Variants in ITIH6 observed in about 807,000 individuals in gnomAD.
ITIH6 encodes the protein inter-alpha-trypsin inhibitor heavy chain family member 6.
Under a neutral mutation model 58.2 loss-of-function variants are expected in ITIH6, and 60 were observed. The observed-to-expected ratio is 1.03, with a 90% CI of 0.84 to 1.28. The LOEUF (loss-of-function observed/expected upper bound fraction) is 1.28. Among genes scored for constraint, ITIH6 ranks in the 50% most tolerant of loss-of-function variants. The pLI is 0.00. For synonymous variants in ITIH6, 493 were observed against 417.4 expected (o/e 1.18, Z -2.21); for missense variants, 1,290 against 1,021.1 (o/e 1.26, Z -3.59).
rs144684616 is a variant in ITIH6 at position 54,792,004 on chromosome X, A to C, written c.290T>G (p.Val97Gly). 1.1e-5 allele frequency: 13 copies of C among 1,206,236 alleles called. No homozygotes were observed. The African/African-American group carries it at 2.3e-4, about 21-fold the overall frequency. The change falls in exon 3 of 13, where the codon GTC (valine) becomes GGC (glycine). Residue 97 changes from valine (V) to glycine (G), a missense_variant. Val to Gly is a moderately radical substitution (Grantham distance 109). Transcript: ENST00000218436. ...TINNKVYIAE[V>G]KEKHQAKKIY... Reference sequence around the variant, plus strand: ...TTTCTTTGCCTGGTGCTTCTCTTTGACTTCTGCAATGTAGACTTTATTGTT... The same window carrying C: ...TTTCTTTGCCTGGTGCTTCTCTTTGCCTTCTGCAATGTAGACTTTATTGTT...
intron 5 of ITIH6, among the ~76,000 whole-genome samples, chrX:54,781,098 G>C (rs183784237): frequency 1.8e-5 from 2 of 111,104 alleles, no homozygotes; most frequent in Non-Finnish European, 3.8e-5. Flanking sequence ...AACTCAAGAT[G>C]GTTTAAAAAC....
chrX:54,761,784 TC>T (rs1240148273), intron 6 of ITIH6, among the ~76,000 whole-genome samples: 1 of 111,632 alleles, frequency 9.0e-6, no homozygotes. Flanking sequence ...TCTGTTCTGT[TC>T]CATTGGTCTA....
Position 54,759,737 on chromosome X carries a change from G to A in ITIH6, c.1075+19C>T, listed in dbSNP as rs1481121252. 8.4e-7 allele frequency: 1 copy of A among 1,185,294 alleles called. No individual in the cohort carries two copies. Among genetic ancestry groups the A allele is most frequent in the Admixed American group, 2.3e-5 (1 of 44,289 alleles). ...ATCACCACAGCCTGCCCATTTGGGTGGGTAGATCTAACACTTACAGCCATC... is the reference window on the plus strand; with the variant it reads ...ATCACCACAGCCTGCCCATTTGGGTAGGTAGATCTAACACTTACAGCCATC... On this transcript the variant is annotated intron_variant, in intron 7 of 12. Coordinates refer to ENST00000218436, the MANE Select transcript of ITIH6 (RefSeq NM_198510.3).
At chrX:54,792,130 G>A (rs1301539038) in intron 2 of ITIH6, 94 bp from the exon 3 acceptor site, 10 of 580,832 alleles carry the variant, frequency 1.7e-5, no homozygotes, top group Admixed American at 1.1e-4. Flanking sequence ...AGAAAGAGGA[G>A]GGTAGAGATA....
intron 10 of ITIH6, 66 bp downstream of exon 10, chrX:54,753,864 G>T (rs1928427996): frequency 1.8e-6 from 2 of 1,136,394 alleles, no homozygotes; most frequent in African/African-American, 3.6e-5. Context: ...TATTTCCCCA[G>T]CCCCAGTCCC....
In ITIH6 at chrX:54,756,972, A is replaced by G. The variant is rs996304791; in HGVS notation, c.3102T>C (p.Asp1034=). The G allele has an allele frequency of 2.6e-6, 3 of 1,166,497 alleles. No homozygotes were observed. In the African/African-American group the frequency reaches 5.3e-5, roughly 21 times the overall value. The change falls in exon 8 of 13, where the codon GAT becomes GAC. Residue 1034 remains aspartate, a synonymous_variant. Transcript: ENST00000218436. ...PPAFYTFLTP[D]EDGSPNWDGN... ...CTTACCCATGGCACTCACCATCTTC[A>G]TCAGGAGTGAGGAAGGTATAGAAAG...
chrX:54,754,321 G>A (rs1036939754), intron 9 of ITIH6, among the ~76,000 whole-genome samples: 4 of 111,820 alleles, frequency 3.6e-5, no homozygotes, highest in African/African-American at 1.3e-4. Context: ...ATGGCCCACA[G>A]GATCTCTTGG....
chrX:54,776,982 C>T (rs1179016435), intron 5 of ITIH6, among the ~76,000 whole-genome samples: 1 of 112,356 alleles, frequency 8.9e-6, no homozygotes, highest in Non-Finnish European at 1.9e-5. Flanking sequence ...GAGCACCAAG[C>T]AGGCTCTTGA....
rs371664662 is a variant in ITIH6, at chrX:54,770,064, T to C, written c.903+4017A>G. Among the ~76,000 whole-genome samples the C allele has an allele frequency of 3.3e-3, 371 of 112,180 alleles. 2 individuals carry two copies. Among genetic ancestry groups the C allele is most frequent in the African/African-American group, 0.011 (343 of 30,983 alleles). Reference sequence around the variant, plus strand: ...GGCGTAGGACCCTCCGAGCCAGGTGTGGGATATAGTCTCATGGTGCGCCGT... The same window carrying C: ...GGCGTAGGACCCTCCGAGCCAGGTGCGGGATATAGTCTCATGGTGCGCCGT... On this transcript the variant is annotated intron_variant, in intron 6 of 12. Coordinates refer to ENST00000218436, the MANE Select transcript of ITIH6 (RefSeq NM_198510.3).
intron 6 of ITIH6, among the ~76,000 whole-genome samples, chrX:54,770,042 G>C (rs1268537011): frequency 3.6e-5 from 4 of 111,765 alleles, no homozygotes; most frequent in Non-Finnish European, 7.6e-5. Flanking sequence ...TTCCGTGGGC[G>C]TAGGACCCTC....
In ITIH6 at chrX:54,751,336, C is replaced by T; in HGVS notation, c.3397G>A (p.Gly1133Ser). 1 of 1,211,795 alleles carries T rather than the reference C, an allele frequency of 8.3e-7. No homozygotes were observed. Among genetic ancestry groups the T allele is most frequent in the Non-Finnish European group, 1.1e-6 (1 of 895,435 alleles). ...TAGGTGCGAGTCTGGTCCTTGTGGC[C>T]CGGCCTTGGTGGTGCGCCAAGCAGC... ...GKLLGAPPRPGHKDQTRTYFQ... is the reference protein window; with the variant it reads ...GKLLGAPPRPSHKDQTRTYFQ... The change falls in exon 12 of 13, where the codon GGC (glycine) becomes AGC (serine). Residue 1133 changes from glycine to serine, a missense_variant. By Grantham distance (56) the Gly-to-Ser change is moderately conservative (BLOSUM62 0). Transcript: ENST00000218436.
rs374793555 is a variant in ITIH6, at chrX:54,757,024, T to A, written c.3050A>T (p.Lys1017Met). 4.1e-6 allele frequency: 5 copies of A among 1,209,913 alleles called. No individual in the cohort carries two copies. Among genetic ancestry groups the A allele is most frequent in the Non-Finnish European group, 5.6e-6 (5 of 894,658 alleles). Residue 1017 changes from lysine to methionine, a missense_variant, in exon 8 of 13, where the codon AAG becomes ATG. Coordinates refer to ENST00000218436, the MANE Select transcript of ITIH6 (RefSeq NM_198510.3). ...TGGTGGGTTCAAGGACTCCACGAAC[T>A]TGGATTCCACCATTGATTCAGACAG... Reference protein sequence around the residue: ...ELLSESMVESKFVESLNPPAF... With the variant: ...ELLSESMVESMFVESLNPPAF...
chrX:54,750,210 A>C (rs773867504), intron 12 of ITIH6, 104 bp from the exon 13 acceptor site: 6 of 623,216 alleles, frequency 9.6e-6, no homozygotes, highest in African/African-American at 2.3e-5. Context: ...TAAAGGAGGA[A>C]GAAGGAGGGG....
intron 6 of ITIH6, among the ~76,000 whole-genome samples, chrX:54,767,014 G>T (rs1002842458): frequency 5.4e-5 from 6 of 110,226 alleles, no homozygotes; most frequent in African/African-American, 2.0e-4. Flanking sequence ...GAATCCATCT[G>T]GTCCTGGACT....
At position 54,788,659 on chromosome X, in the gene ITIH6, T is replaced by G. The variant is rs2147619898; in HGVS notation, c.617-10A>C. 8.3e-7 allele frequency: 1 copy of G among 1,200,334 alleles called. No homozygotes were observed. Among genetic ancestry groups the G allele is most frequent in the Non-Finnish European group, 1.1e-6 (1 of 886,444 alleles). ...GGTGAATCCACCTCACCTGTATGGG[T>G]GGGGAGGATCGGGGCGGGGTGGTAC... On this transcript the variant is annotated splice_polypyrimidine_tract_variant and intron_variant, in intron 4 of 12. Coordinates refer to ENST00000218436, the MANE Select transcript of ITIH6 (RefSeq NM_198510.3).
intron 6 of ITIH6, among the ~76,000 whole-genome samples, chrX:54,768,935 G>T (rs1326225678): frequency 9.1e-6 from 1 of 109,515 alleles, no homozygotes; most frequent in Admixed American, 9.7e-5. Flanking sequence ...TGCCTTGCTA[G>T]ATTGGGGAAG....
intron 6 of ITIH6, among the ~76,000 whole-genome samples, chrX:54,764,029 T>C (rs771215527): frequency 8.9e-6 from 1 of 112,238 alleles, no homozygotes; most frequent in South Asian, 3.7e-4. Flanking sequence ...CTTTAATTTG[T>C]GTTAGCATGG....
rs761171960 is a variant in ITIH6, at chrX:54,758,669, T to C, written c.1405A>G (p.Ile469Val). Residue 469 changes from isoleucine (I) to valine (V), a missense_variant, in exon 8 of 13, where the codon ATC becomes GTC. By Grantham distance (29) the Ile-to-Val change is conservative (BLOSUM62 3). Coordinates refer to ENST00000218436, the MANE Select transcript of ITIH6 (RefSeq NM_198510.3). ...ACATCTGCCAGCAGAGGCATGGAGA[T>C]CTCCTCATAGAGGCCCTTCAGCTGT... ...ALQLKGLYEE[I>V]SMPLLADVRL... The C allele has an allele frequency of 8.3e-7, 1 of 1,210,789 alleles. No homozygotes were observed. The highest frequency in any genetic ancestry group is 2.2e-5 in the Admixed American group (1 of 45,990).
chrX:54,796,999 T>G lies in ITIH6; in HGVS notation c.200A>C (p.His67Pro). Reference protein sequence around the residue: ...SVLFNPHAEAHEAIFDLDLPH... With the variant: ...SVLFNPHAEAPEAIFDLDLPH... ...CAGATCCAGGTCAAAGATGGCTTCA[T>G]GGGCTTCAGCATGTGGATTAAACAG... The change falls in exon 2 of 13, where the codon CAT becomes CCT. Residue 67 changes from histidine (H) to proline (P), a missense_variant. His to Pro is a moderately conservative substitution (Grantham distance 77). Transcript: ENST00000218436. 1 of 1,211,228 alleles carries G rather than the reference T, an allele frequency of 8.3e-7. No homozygotes were observed. Among genetic ancestry groups the G allele is most frequent in the Non-Finnish European group, 1.1e-6 (1 of 894,884 alleles).
Sources: gnomAD v4.1 joint callset for allele counts (sites outside exome capture counted in the v4.1 genomes callset) on GRCh38, gnomAD v4.1.1 for gene constraint, MANE v1.5 for transcripts, NCBI Gene and HGNC (gene_info 2026-07-23, HGNC 2026-07-21) for gene names.